FGF14: variants seen among roughly 807,000 people sequenced by gnomAD.
The protein encoded by FGF14 is fibroblast growth factor 14.
Under a neutral mutation model 25.5 loss-of-function variants are expected in FGF14, and 5 were observed. The ratio of observed to expected loss-of-function variants is 0.20; its 90% CI spans 0.10 to 0.41. The LOEUF (loss-of-function observed/expected upper bound fraction) is 0.41, where lower values mean the gene tolerates loss of function less well. Ranked by LOEUF, FGF14 falls within the 10% of genes least tolerant of loss-of-function variation. The pLI, the probability that FGF14 is intolerant of heterozygous loss-of-function variation, is 1.00. For missense variants in FGF14, 222 were observed against 320.1 expected (o/e 0.69, Z 2.34); for synonymous variants, 138 against 118.3 (o/e 1.17, Z -1.08).
chr13:102,209,069 T>A (rs907087959), intron 1 of FGF14, among the ~76,000 whole-genome samples: 1 of 152,200 alleles, frequency 6.6e-6, no homozygotes, highest in African/African-American at 2.4e-5. Flanking sequence ...CTCCCAAGAA[T>A]ACACTTGCGA....
At chr13:102,198,063 A>C (rs2049444182) in intron 1 of FGF14, among the ~76,000 whole-genome samples, 1 of 152,136 alleles carries the variant, frequency 6.6e-6, no homozygotes, top group South Asian at 2.1e-4. Context: ...TCCCAGCTTT[A>C]TCCTTCCCCT....
chr13:102,336,943 A>C (rs2056805310), intron 1 of FGF14, among the ~76,000 whole-genome samples: 1 of 152,166 alleles, frequency 6.6e-6, no homozygotes, highest in Non-Finnish European at 1.5e-5. Context: ...CTTCCTTTCA[A>C]AATACTACTG....
intron 1 of FGF14, among the ~76,000 whole-genome samples, chr13:102,377,404 G>C (rs1594994268): frequency 6.6e-6 from 1 of 152,064 alleles, no homozygotes; most frequent in East Asian, 1.9e-4. Flanking sequence ...AAAATGAAGT[G>C]AAATACATAC....
chr13:102,393,001 CTA>C (rs2058469930), intron 1 of FGF14, among the ~76,000 whole-genome samples: 1 of 152,246 alleles, frequency 6.6e-6, no homozygotes, highest in Non-Finnish European at 1.5e-5. Context: ...GAAACACCCT[CTA>C]TTTCTCAGTT....
intron 1 of FGF14, among the ~76,000 whole-genome samples, chr13:102,082,830 C>T (rs1443521996): frequency 1.3e-5 from 2 of 150,850 alleles, no homozygotes; most frequent in African/African-American, 2.4e-5. Context: ...TAGTGGCGGG[C>T]GCCTGTAGTC....
At chr13:101,784,102 G>C (rs928113635) in intron 3 of FGF14, among the ~76,000 whole-genome samples, 14 of 152,114 alleles carry the variant, frequency 9.2e-5, no homozygotes, top group African/African-American at 3.1e-4. Flanking sequence ...CCCTGCAGCA[G>C]CTTCTTGATT....
At chr13:101,765,778 G>A (rs971847890) in intron 3 of FGF14, among the ~76,000 whole-genome samples, 2 of 151,800 alleles carry the variant, frequency 1.3e-5, no homozygotes, top group African/African-American at 4.8e-5. Flanking sequence ...CGCCCAGGCT[G>A]GAGTACAGTG....
At chr13:102,167,131 T>A (rs556695261) in intron 1 of FGF14, among the ~76,000 whole-genome samples, 1 of 152,002 alleles carries the variant, frequency 6.6e-6, no homozygotes, top group South Asian at 2.1e-4. Context: ...TGAAACCCAA[T>A]CTCTACTAAA....
chr13:102,084,793 C>G (rs1160557110), intron 1 of FGF14, among the ~76,000 whole-genome samples: 2 of 152,148 alleles, frequency 1.3e-5, no homozygotes, highest in East Asian at 3.8e-4. Flanking sequence ...CCTCCTTGTC[C>G]AGGTGTGAAT....
At position 102,158,559 on chromosome 13, in the gene FGF14, T is replaced by C. The variant is rs186265393; in HGVS notation, c.208+242912A>G. On this transcript the variant is annotated intron_variant, in intron 1 of 4. Coordinates refer to the FGF14 transcript ENST00000376131. ...CGGGGGGGGGATACATTAGGAGATA[T>C]ACCTAATGTTAAATGATGAGTTAAT... is the stretch of plus-strand genomic sequence containing the variant. Among the ~76,000 whole-genome samples the C allele has an allele frequency of 5.8e-3, 883 of 151,556 alleles. 10 individuals carry two copies. Among genetic ancestry groups the C allele is most frequent in the African/African-American group, 0.015 (623 of 41,264 alleles).
At position 102,208,179 on chromosome 13, in the gene FGF14, A is replaced by G. The variant is rs991529269; in HGVS notation, c.208+193292T>C. ...GAGAGATTCGCAAGGGGAAAGGCAG[A>G]ATCGCTCCACTCAAATCTGTTCTCT... On this transcript the variant is annotated intron_variant, in intron 1 of 4. Transcript: ENST00000376131. Among the ~76,000 whole-genome samples the G allele has an allele frequency of 1.4e-4, 21 of 152,318 alleles. No individual in the cohort carries two copies. In the East Asian group the frequency reaches 4.0e-3, roughly 29 times the overall value.
chr13:102,331,706 A>G (rs780961710), intron 1 of FGF14, among the ~76,000 whole-genome samples: 2 of 152,360 alleles, frequency 1.3e-5, no homozygotes, highest in Admixed American at 1.3e-4. Flanking sequence ...GAAACGCACA[A>G]TGAAGGATTT....
chr13:102,163,208 G>A (rs955626399), intron 1 of FGF14, among the ~76,000 whole-genome samples: 2 of 152,054 alleles, frequency 1.3e-5, no homozygotes, highest in Admixed American at 6.6e-5. Context: ...TTATACCTGT[G>A]GTGACAAATA....
At chr13:102,223,383 G>A (rs2050700212) in intron 1 of FGF14, among the ~76,000 whole-genome samples, 1 of 152,158 alleles carries the variant, frequency 6.6e-6, no homozygotes, top group Non-Finnish European at 1.5e-5. Flanking sequence ...TTATTTATTT[G>A]TAAATCCTCC....
At chr13:102,329,809 A>G (rs2056578627) in intron 1 of FGF14, among the ~76,000 whole-genome samples, 1 of 151,578 alleles carries the variant, frequency 6.6e-6, no homozygotes, top group South Asian at 2.1e-4. Context: ...CAATCCATTC[A>G]TCTCCTCACC....
chr13:101,816,355 T>A (rs1027245503), intron 3 of FGF14, among the ~76,000 whole-genome samples: 1 of 151,950 alleles, frequency 6.6e-6, no homozygotes, highest in Non-Finnish European at 1.5e-5. Flanking sequence ...TCTCTCTGAC[T>A]TTTGGAACTT....
chr13:101,940,222 C>T (rs1170601808), intron 1 of FGF14, among the ~76,000 whole-genome samples: 3 of 152,084 alleles, frequency 2.0e-5, no homozygotes, highest in African/African-American at 4.8e-5. Flanking sequence ...AAATACAAGT[C>T]GAATACAGGA....
chr13:102,038,676 C>A (rs2041588610), intron 1 of FGF14, among the ~76,000 whole-genome samples: 1 of 151,812 alleles, frequency 6.6e-6, no homozygotes, highest in Non-Finnish European at 1.5e-5. Context: ...GGATTTCTAC[C>A]CCCCACTGTG....
In FGF14 at chr13:102,031,675, A is replaced by AT. The variant is rs554721380; in HGVS notation, c.209-156380_209-156379insA. ...ATGAAAACATAAAACAGCAAAAAAAAAAAAGCATAACAATATTGGCAGTCT... is the reference window on the plus strand; with the variant it reads ...ATGAAAACATAAAACAGCAAAAAAAATAAAAGCATAACAATATTGGCAGTCT... On this transcript the variant is annotated intron_variant, in intron 1 of 4. Transcript: ENST00000376131. 1.6e-3 allele frequency among the ~76,000 whole-genome samples: 246 copies of AT among 152,160 alleles called. 3 individuals carry two copies. The highest frequency in any genetic ancestry group is 5.5e-3 in the African/African-American group (230 of 41,504).
Sources: allele counts gnomAD v4.1 joint callset (sites outside exome capture counted in the v4.1 genomes callset), GRCh38; gene constraint gnomAD v4.1.1; transcripts MANE v1.5; gene names NCBI Gene and HGNC (gene_info 2026-07-23, HGNC 2026-07-21).